Variants in OSBPL1A observed in about 807,000 individuals in gnomAD.
OSBPL1A encodes oxysterol-binding protein-related protein 1.
A neutral mutation model predicts 137.1 loss-of-function variants in OSBPL1A; 80 were observed. The ratio of observed to expected loss-of-function variants is 0.58; its 90% CI spans 0.49 to 0.70. OSBPL1A has a LOEUF of 0.70. Among genes scored for constraint, OSBPL1A ranks in the 30% least tolerant of loss-of-function variants. OSBPL1A has a pLI of 0.00. For synonymous variants in OSBPL1A, 365 were observed against 389.7 expected, an observed-to-expected ratio of 0.94 and a Z score of 0.75; for missense variants, 970 against 1,129.4, an observed-to-expected ratio of 0.86 and a Z score of 2.02.
intron 15 of OSBPL1A, among the ~76,000 whole-genome samples, chr18:24,261,139 A>G (rs1268516550): frequency 6.6e-6 from 1 of 152,176 alleles, no homozygotes; most frequent in Non-Finnish European, 1.5e-5. Flanking sequence ...GAGTTAAAGA[A>G]GCCAGAACCC....
chr18:24,352,554 G>T (rs947286817), intron 4 of OSBPL1A, among the ~76,000 whole-genome samples: 3 of 151,884 alleles, frequency 2.0e-5, no homozygotes, highest in Non-Finnish European at 4.4e-5. Flanking sequence ...TCACAGAACT[G>T]GAAAAAACTA....
intron 11 of OSBPL1A, 96 bp downstream of exon 11, chr18:24,317,053 C>T (rs897047838): frequency 2.4e-6 from 3 of 1,269,550 alleles, no homozygotes; most frequent in East Asian, 2.3e-5. Context: ...TCCACAGAAC[C>T]CCAAGATTTT....
intron 13 of OSBPL1A, among the ~76,000 whole-genome samples, chr18:24,310,890 A>G (rs1303160480): frequency 1.3e-5 from 2 of 152,146 alleles, no homozygotes; most frequent in Non-Finnish European, 2.9e-5. Flanking sequence ...AATTTTGGCC[A>G]TATGTATTTA....
intron 5 of OSBPL1A, among the ~76,000 whole-genome samples, chr18:24,335,822 T>C (rs1219845630): frequency 2.0e-5 from 3 of 152,238 alleles, no homozygotes; most frequent in Non-Finnish European, 4.4e-5. Context: ...ACACATGTAT[T>C]GAATCCAGCA....
chr18:24,381,756 G>A (rs942514237), intron 1 of OSBPL1A, among the ~76,000 whole-genome samples: 2 of 151,872 alleles, frequency 1.3e-5, no homozygotes, highest in East Asian at 1.9e-4. Context: ...TCAGGAGTTC[G>A]AGCCCAGCCT....
intron 1 of OSBPL1A, among the ~76,000 whole-genome samples, chr18:24,392,824 G>T (rs1021444596): frequency 6.6e-6 from 1 of 151,976 alleles, no homozygotes; most frequent in Non-Finnish European, 1.5e-5. Flanking sequence ...CTGAGTAGCT[G>T]GGACCACAGG....
intron 14 of OSBPL1A, among the ~76,000 whole-genome samples, chr18:24,283,744 T>C (rs1421907045): frequency 6.6e-6 from 1 of 152,164 alleles, no homozygotes; most frequent in Non-Finnish European, 1.5e-5. Flanking sequence ...GGCAGGAAGA[T>C]AGAAGCATAA....
At chr18:24,348,492 G>A (rs770650606) in intron 4 of OSBPL1A, among the ~76,000 whole-genome samples, 19 of 152,112 alleles carry the variant, frequency 1.2e-4, no homozygotes, top group Non-Finnish European at 2.4e-4. Flanking sequence ...ACACCTTCAG[G>A]CCAGGCATGG....
At chr18:24,270,978 G>C (rs1409668983) in intron 15 of OSBPL1A, among the ~76,000 whole-genome samples, 2 of 152,074 alleles carry the variant, frequency 1.3e-5, no homozygotes, top group Admixed American at 6.6e-5. Context: ...ACAACAGAAA[G>C]CACAAAACAA....
intron 17 of OSBPL1A, among the ~76,000 whole-genome samples, chr18:24,217,219 T>C (rs1562105): frequency 0.9 from 136,288 of 150,940 alleles, 61,694 homozygotes; most frequent in East Asian, 0.99. Context: ...TAAGGAGGTG[T>C]TAGGAAGCTC....
chr18:24,226,886 G>A (rs979345305), intron 16 of OSBPL1A, among the ~76,000 whole-genome samples: 15 of 114,380 alleles, frequency 1.3e-4, no homozygotes, highest in Non-Finnish European at 2.5e-4. Flanking sequence ...CAAAGAAACA[G>A]ATTTTTTTTT....
At chr18:24,263,431 CAAT>C (rs1246102861) in intron 15 of OSBPL1A, among the ~76,000 whole-genome samples, 1 of 152,076 alleles carries the variant, frequency 6.6e-6, no homozygotes, top group Admixed American at 6.6e-5. Context: ...AAACAAAAAA[CAAT>C]AAAACTTTTT....
At chr18:24,254,942 C>T (rs919365732) in intron 15 of OSBPL1A, among the ~76,000 whole-genome samples, 40 of 151,934 alleles carry the variant, frequency 2.6e-4, no homozygotes, top group Non-Finnish European at 3.5e-4. Flanking sequence ...ACAAAATTGA[C>T]AAACCTTTAG....
In OSBPL1A at chr18:24,298,191, G is replaced by A. The variant is rs2146095699; in HGVS notation, c.1174+5446C>T. Among the ~76,000 whole-genome samples, 2 of 152,214 alleles carry A rather than the reference G, an allele frequency of 1.3e-5. 1 individual carries two copies. Among genetic ancestry groups the A allele is most frequent in the South Asian group, 4.2e-4 (2 of 4,808 alleles). On this transcript the variant is annotated intron_variant, in intron 14 of 27. Coordinates refer to ENST00000319481, the MANE Select transcript of OSBPL1A (RefSeq NM_080597.4). Reference sequence around the variant, plus strand: ...CAACATTAGGAAGTTACCCTATATGGTCTAAAAAGGGGAGGCATGAATAAT... The same window carrying A: ...CAACATTAGGAAGTTACCCTATATGATCTAAAAAGGGGAGGCATGAATAAT...
intron 7 of OSBPL1A, among the ~76,000 whole-genome samples, chr18:24,327,680 A>G (rs1389756579): frequency 6.6e-6 from 1 of 152,214 alleles, no homozygotes; most frequent in Non-Finnish European, 1.5e-5. Context: ...AAGTACTGGG[A>G]TTACAGGCTT....
chr18:24,334,210 C>A lies in OSBPL1A; in HGVS notation c.480+35G>T, dbSNP rs145570030. On this transcript the variant is annotated intron_variant, in intron 6 of 27. Transcript: ENST00000319481. ...TTTCCTGAAGTGTAAAGAAAGACTG[C>A]TTTTTGTCTTTTGGGGGTTTTTTGT... 474 of 1,551,608 alleles carry A rather than the reference C, an allele frequency of 3.1e-4. 2 individuals carry two copies. In the African/African-American group the frequency reaches 5.9e-3, roughly 19 times the overall value.
chr18:24,224,981 T>A, intron 17 of OSBPL1A, 61 bp downstream of exon 17: 1 of 1,591,460 alleles, frequency 6.3e-7, no homozygotes, highest in Non-Finnish European at 8.6e-7. Flanking sequence ...TATTTCTTTA[T>A]GAATCCAAAT....
At chr18:24,305,505 TAATAA>T (rs2090481754) in intron 13 of OSBPL1A, among the ~76,000 whole-genome samples, 1 of 152,232 alleles carries the variant, frequency 6.6e-6, no homozygotes. Context: ...GTTATTAATA[TAATAA>T]AACATAATAT....
In OSBPL1A at chr18:24,368,790, G is replaced by GCAACTCTCTGTA. The variant is rs1176538625; in HGVS notation, c.122-430_122-419dup. On this transcript the variant is annotated intron_variant, in intron 2 of 27. Coordinates refer to ENST00000319481, the MANE Select transcript of OSBPL1A (RefSeq NM_080597.4). Reference sequence around the variant, plus strand: ...ATGGAGGAGCTGAAGGCAGCTCACAGCAACTCTCTGTACACCTGTACCACA... The same window carrying GCAACTCTCTGTA: ...ATGGAGGAGCTGAAGGCAGCTCACAGCAACTCTCTGTACAACTCTCTGTACACCTGTACCACA... Among the ~76,000 whole-genome samples the GCAACTCTCTGTA allele has an allele frequency of 3.9e-5, 6 of 152,192 alleles. No individual in the cohort carries two copies. In the East Asian group the frequency reaches 7.7e-4, roughly 20 times the overall value.
Sources: allele counts gnomAD v4.1 joint callset (sites outside exome capture counted in the v4.1 genomes callset), GRCh38; gene constraint gnomAD v4.1.1; transcripts MANE v1.5; gene names NCBI Gene and HGNC (gene_info 2026-07-23, HGNC 2026-07-21).